The following RFC3 variants were observed in gnomAD, a reference collection of about 807,000 sequenced individuals.
The protein encoded by RFC3 is replication factor C subunit 3, also known as A1 38 kDa subunit.
In RFC3, 41 loss-of-function variants were observed where a neutral mutation model predicts 45.1. The observed-to-expected ratio is 0.91, with a 90% CI of 0.71 to 1.18. The LOEUF is 1.18. Ranked by LOEUF, RFC3 falls within the 50% of genes most tolerant of loss-of-function variation. The pLI is 0.00. For missense variants in RFC3, 423 were observed against 428.1 expected, an observed-to-expected ratio of 0.99 and a Z score of 0.10; for synonymous variants, 149 against 144.0, an observed-to-expected ratio of 1.03 and a Z score of -0.25.
chr13:33,890,213 G>A (rs775577971), intron 8 of RFC3, among the ~76,000 whole-genome samples: 2 of 152,124 alleles, frequency 1.3e-5, no homozygotes, highest in African/African-American at 2.4e-5. Context: ...CCTTGGTAAT[G>A]TGTCACCTCA....
chr13:33,853,082 A>G (rs2082286329), intron 8 of RFC3, among the ~76,000 whole-genome samples: 1 of 152,194 alleles, frequency 6.6e-6, no homozygotes, highest in Non-Finnish European at 1.5e-5. Context: ...CTACATGGTT[A>G]GTACCAAGAC....
Position 33,829,683 on chromosome 13 carries a change from A to G in RFC3, c.392-153A>G, listed in dbSNP as rs915712749. ...CATTTTAAAATAATAAAGTAATTTTACCATACTTATAACTTTATCTTTGCC... is the reference window on the plus strand; with the variant it reads ...CATTTTAAAATAATAAAGTAATTTTGCCATACTTATAACTTTATCTTTGCC... On this transcript the variant is annotated intron_variant, in intron 4 of 8. Transcript: ENST00000380071. 12 of 655,800 alleles carry G rather than the reference A, an allele frequency of 1.8e-5. 1 individual carries two copies. In the Admixed American group the frequency reaches 2.5e-4, roughly 14 times the overall value. 40.6% of individuals were successfully genotyped at this position (655,800 alleles called of 1,614,324 possible). A position where few individuals can be genotyped will look rare whatever the true frequency, so the allele number is the denominator to read the frequency against.
At chr13:33,971,402 C>G (rs1472640224), downstream of RFC3, among the ~76,000 whole-genome samples, 2 of 152,210 alleles carry the variant, frequency 1.3e-5, no homozygotes, top group African/African-American at 4.8e-5. Context: ...AATTTTCACT[C>G]AAGATTATTT....
chr13:33,923,015 G>T (rs983171500), intron 8 of RFC3, among the ~76,000 whole-genome samples: 7 of 151,812 alleles, frequency 4.6e-5, no homozygotes, highest in African/African-American at 1.7e-4. Context: ...TGATAAAAGG[G>T]ACCATTTATT....
At chr13:33,956,771 G>A (rs1391065665) in intron 8 of RFC3, among the ~76,000 whole-genome samples, 1 of 152,186 alleles carries the variant, frequency 6.6e-6, no homozygotes, top group Non-Finnish European at 1.5e-5. Context: ...CCTGCTTTAA[G>A]TATCCACACA....
At chr13:33,939,561 G>A (rs1194746802) in intron 8 of RFC3, among the ~76,000 whole-genome samples, 2 of 152,152 alleles carry the variant, frequency 1.3e-5, no homozygotes, top group South Asian at 2.1e-4. Flanking sequence ...ACCAGTAAAT[G>A]TAAGTTTAAA....
At chr13:33,949,759 C>T (rs2082977270) in intron 8 of RFC3, among the ~76,000 whole-genome samples, 1 of 152,238 alleles carries the variant, frequency 6.6e-6, no homozygotes, top group South Asian at 2.1e-4. Context: ...CTGAATAAAG[C>T]AGATTGTCTT....
At chr13:33,914,980 A>G (rs1381481504) in intron 8 of RFC3, among the ~76,000 whole-genome samples, 1 of 152,170 alleles carries the variant, frequency 6.6e-6, no homozygotes, top group Non-Finnish European at 1.5e-5. Flanking sequence ...TTTATGATAT[A>G]TTAAATGTGA....
intron 8 of RFC3, among the ~76,000 whole-genome samples, chr13:33,845,345 C>G (rs1373897883): frequency 6.6e-6 from 1 of 150,574 alleles, no homozygotes; most frequent in Admixed American, 6.6e-5. Flanking sequence ...CTGTTACTAT[C>G]CATTTGAATA....
At chr13:33,873,011 G>T (rs1168080031) in intron 8 of RFC3, among the ~76,000 whole-genome samples, 1 of 152,034 alleles carries the variant, frequency 6.6e-6, no homozygotes, top group East Asian at 1.9e-4. Flanking sequence ...GACTAGAAAG[G>T]GCTAGATTTG....
Position 33,823,960 on chromosome 13 carries a change from A to G in RFC3, c.269A>G (p.Asn90Ser). Residue 90 changes from asparagine to serine, a missense_variant, in exon 3 of 9, where the codon AAC becomes AGC. By Grantham distance (46) the Asn-to-Ser change is conservative. Coordinates refer to ENST00000380071, the MANE Select transcript of RFC3 (RefSeq NM_002915.4). Reference protein sequence around the residue: ...KKIEISTIASNYHLEVNPSDA... With the variant: ...KKIEISTIASSYHLEVNPSDA... ...ATTGAAATTAGCACCATTGCAAGTA[A>G]CTACCACCTTGAAGTTAATCCTAGG... is the stretch of plus-strand genomic sequence containing the variant. 1 of 1,565,310 alleles carries G rather than the reference A, an allele frequency of 6.4e-7. No homozygotes were observed. The highest frequency in any genetic ancestry group is 8.8e-7 in the Non-Finnish European group (1 of 1,142,104).
At chr13:33,818,409 AG>A in intron 1 of RFC3, 144 bp downstream of exon 1, 1 of 620,884 alleles carries the variant, frequency 1.6e-6, no homozygotes, top group East Asian at 2.9e-5. Flanking sequence ...AAGGGGGAAG[AG>A]GTGTGGGAGG....
chr13:33,919,873 A>G (rs2082756828), intron 8 of RFC3, among the ~76,000 whole-genome samples: 1 of 152,180 alleles, frequency 6.6e-6, no homozygotes, highest in African/African-American at 2.4e-5. Context: ...TGCATCATTT[A>G]TTAATTGTGC....
downstream of RFC3, among the ~76,000 whole-genome samples, chr13:33,838,294 T>C (rs562984382): frequency 5.9e-5 from 9 of 152,250 alleles, no homozygotes; most frequent in South Asian, 6.2e-4. Context: ...TTTTTTAATA[T>C]TTATGTAGAC....
intron 8 of RFC3, among the ~76,000 whole-genome samples, chr13:33,859,964 G>T (rs190305054): frequency 6.6e-6 from 1 of 152,260 alleles, no homozygotes; most frequent in East Asian, 1.9e-4. Context: ...TGTCATAAGG[G>T]TGTGGCCCTA....
At chr13:33,927,287 C>G (rs1456552670) in intron 8 of RFC3, among the ~76,000 whole-genome samples, 1 of 151,522 alleles carries the variant, frequency 6.6e-6, no homozygotes, top group African/African-American at 2.4e-5. Flanking sequence ...CCTGGATGGC[C>G]TCTCATAAGT....
chr13:33,885,564 C>T (rs1240337956), intron 8 of RFC3, among the ~76,000 whole-genome samples: 1 of 152,014 alleles, frequency 6.6e-6, no homozygotes, highest in East Asian at 1.9e-4. Flanking sequence ...CCTTCTTGGC[C>T]CACCTCTGCA....
At chr13:33,907,234 A>G (rs2082677266) in intron 8 of RFC3, among the ~76,000 whole-genome samples, 1 of 152,100 alleles carries the variant, frequency 6.6e-6, no homozygotes. Context: ...TTCTATTCCT[A>G]AACCCTTGCT....
chr13:33,952,006 A>G (rs565182882), intron 8 of RFC3, among the ~76,000 whole-genome samples: 1 of 152,362 alleles, frequency 6.6e-6, no homozygotes, highest in South Asian at 2.1e-4. Context: ...TTCCATTTAC[A>G]TATGTTGTAA....
Sources: allele counts gnomAD v4.1 joint callset (sites outside exome capture counted in the v4.1 genomes callset), GRCh38; gene constraint gnomAD v4.1.1; transcripts MANE v1.5; gene names NCBI Gene and HGNC (gene_info 2026-07-23, HGNC 2026-07-21).